HIPK3: variants seen among roughly 807,000 people sequenced by gnomAD.
The protein encoded by HIPK3 is homeodomain-interacting protein kinase 3.
HIPK3 carries 47 observed loss-of-function variants against 124.2 expected under a neutral mutation model. The ratio of observed to expected loss-of-function variants is 0.38; its 90% confidence interval spans 0.30 to 0.48. HIPK3 has a LOEUF of 0.48. Among genes scored for constraint, HIPK3 ranks in the 20% least tolerant of loss-of-function variants. The pLI is 0.98. For missense variants in HIPK3, 1,286 were observed against 1,454.3 expected (o/e 0.88, Z 1.88); for synonymous variants, 482 against 515.2 (o/e 0.94, Z 0.87).
chr11:33,269,546 T>TG (rs1851065298), intron 1 of HIPK3, among the ~76,000 whole-genome samples: 1 of 151,806 alleles, frequency 6.6e-6, no homozygotes, highest in Non-Finnish European at 1.5e-5. Context: ...CCTTCAGCTT[T>TG]TTAACATGCC....
In HIPK3 at chr11:33,347,924, A is replaced by T. The variant is rs1853546608; in HGVS notation, c.2217A>T (p.Leu739Phe). Reference sequence around the variant, plus strand: ...CTCTTCTGACCAATCAGATAACTTTATCTGCCCCTCAGCCAGTTAGTGTGG... The same window carrying T: ...CTCTTCTGACCAATCAGATAACTTTTTCTGCCCCTCAGCCAGTTAGTGTGG... ...PQPLLTNQIT[L>F]SAPQPVSVGI... Residue 739 changes from leucine (L) to phenylalanine (F), a missense_variant, in exon 11 of 17, where the codon TTA becomes TTT. By Grantham distance (22) the Leu-to-Phe change is conservative. This residue lies in a region of HIPK3 where 810 missense variants were observed against 864.9 expected (regional missense o/e 0.94). Transcript: ENST00000303296. The T allele has an allele frequency of 3.1e-6, 5 of 1,614,010 alleles. No individual in the cohort carries two copies. In the African/African-American group the frequency reaches 4.0e-5, roughly 13 times the overall value.
intron 1 of HIPK3, among the ~76,000 whole-genome samples, chr11:33,283,810 G>A (rs944765694): frequency 6.6e-6 from 1 of 151,946 alleles, no homozygotes; most frequent in Non-Finnish European, 1.5e-5. Flanking sequence ...CAGTGGCTAG[G>A]ATTATAGGTG....
At chr11:33,271,795 A>T (rs1472672327) in intron 1 of HIPK3, among the ~76,000 whole-genome samples, 2 of 152,188 alleles carry the variant, frequency 1.3e-5, no homozygotes. Context: ...TTGATGGTGT[A>T]TTTAAAAAAA....
chr11:33,275,664 G>A (rs559297489), intron 1 of HIPK3, among the ~76,000 whole-genome samples: 1 of 152,100 alleles, frequency 6.6e-6, no homozygotes, highest in African/African-American at 2.4e-5. Flanking sequence ...CTGGCACTAT[G>A]GTTCTGTCCT....
chr11:33,315,757 A>G (rs1409425981), intron 2 of HIPK3, among the ~76,000 whole-genome samples: 1 of 152,212 alleles, frequency 6.6e-6, no homozygotes, highest in Admixed American at 6.5e-5. Flanking sequence ...GCTGTGAACT[A>G]TATTTGTGGC....
intron 1 of HIPK3, among the ~76,000 whole-genome samples, chr11:33,278,815 G>C (rs911814907): frequency 5.3e-5 from 8 of 151,904 alleles, no homozygotes; most frequent in African/African-American, 1.9e-4. Context: ...CTGCACTCCA[G>C]CCTGGGCGAC....
In HIPK3 at chr11:33,305,472, T is replaced by G. The variant is rs539999587; in HGVS notation, c.1097+17961T>G. ...ACTGACTGCTTAGGTTCAGCCGCTG[T>G]GCTAGAAACTTTGCATAATTACCCT... On this transcript the variant is annotated intron_variant, in intron 2 of 16. Coordinates refer to ENST00000303296, the MANE Select transcript of HIPK3 (RefSeq NM_005734.5). Among the ~76,000 whole-genome samples the G allele has an allele frequency of 5.9e-5, 9 of 152,356 alleles. No homozygotes were observed. In the South Asian group the frequency reaches 1.7e-3, roughly 28 times the overall value.
intron 2 of HIPK3, among the ~76,000 whole-genome samples, chr11:33,304,759 C>T (rs975506302): frequency 6.6e-6 from 1 of 152,168 alleles, no homozygotes; most frequent in African/African-American, 2.4e-5. Flanking sequence ...TCTTCTGTGT[C>T]TATGGATACT....
At chr11:33,298,406 T>C (rs1159216413) in intron 2 of HIPK3, among the ~76,000 whole-genome samples, 2 of 152,352 alleles carry the variant, frequency 1.3e-5, no homozygotes, top group East Asian at 3.9e-4. Context: ...GGGAGAATAA[T>C]ATTGTTTTCA....
intron 1 of HIPK3, among the ~76,000 whole-genome samples, chr11:33,267,742 C>T (rs937232611): frequency 3.9e-5 from 6 of 152,004 alleles, no homozygotes; most frequent in African/African-American, 1.2e-4. Flanking sequence ...GTGATCCGCC[C>T]GCCTCGGCCT....
At chr11:33,311,574 CT>C (rs551099385) in intron 2 of HIPK3, among the ~76,000 whole-genome samples, 1,677 of 152,214 alleles carry the variant, frequency 0.011, 27 homozygotes, top group African/African-American at 0.038. Context: ...TGTATACCCC[CT>C]GCCTCTGTAC....
intron 3 of HIPK3, among the ~76,000 whole-genome samples, chr11:33,329,212 C>T (rs557399040): frequency 1.3e-5 from 2 of 152,146 alleles, no homozygotes; most frequent in Non-Finnish European, 2.9e-5. Context: ...TACTATTAAA[C>T]AGTGTTGTGT....
intron 1 of HIPK3, among the ~76,000 whole-genome samples, chr11:33,285,813 A>G (rs1158724461): frequency 6.6e-6 from 1 of 151,896 alleles, no homozygotes; most frequent in Admixed American, 6.6e-5. Flanking sequence ...GCTCTGTCTC[A>G]CAGGCTGAAG....
chr11:33,311,165 G>C (rs1004328872), intron 2 of HIPK3, among the ~76,000 whole-genome samples: 20 of 152,202 alleles, frequency 1.3e-4, no homozygotes, highest in African/African-American at 4.6e-4. Context: ...GTTCTCTGAT[G>C]ACTTTGCGCA....
rs967344183 is a variant in HIPK3 at position 33,288,004 on chromosome 11, G to A, written c.1097+493G>A. Among the ~76,000 whole-genome samples the A allele has an allele frequency of 3.3e-5, 5 of 152,210 alleles. No homozygotes were observed. The East Asian group carries it at 7.7e-4, about 24-fold the overall frequency. On this transcript the variant is annotated intron_variant, in intron 2 of 16. Coordinates refer to ENST00000303296, the MANE Select transcript of HIPK3 (RefSeq NM_005734.5). ...GGATTCCAGATTTTTCCGGATTTTGGAATATTTGCACTGCCAACTAGTTAA... is the reference window on the plus strand; with the variant it reads ...GGATTCCAGATTTTTCCGGATTTTGAAATATTTGCACTGCCAACTAGTTAA...
At chr11:33,318,398 A>G (rs1365938338) in intron 2 of HIPK3, among the ~76,000 whole-genome samples, 3 of 152,064 alleles carry the variant, frequency 2.0e-5, no homozygotes, top group Non-Finnish European at 4.4e-5. Flanking sequence ...TAGGGATCAT[A>G]GGAATTATTT....
intron 7 of HIPK3, 129 bp from the exon 8 acceptor site, chr11:33,341,434 T>G: frequency 9.8e-7 from 1 of 1,021,578 alleles, no homozygotes; most frequent in Non-Finnish European, 1.4e-6. Context: ...GCAGCTTGTT[T>G]TTGTTCTCAT....
chr11:33,310,665 A>C (rs143339272), intron 2 of HIPK3, among the ~76,000 whole-genome samples: 1 of 152,334 alleles, frequency 6.6e-6, no homozygotes, highest in East Asian at 1.9e-4. Context: ...TTCCTCAGTT[A>C]CATTAGCCAC....
chr11:33,309,717 C>T (rs1852266632), intron 2 of HIPK3, among the ~76,000 whole-genome samples: 2 of 152,198 alleles, frequency 1.3e-5, no homozygotes, highest in Admixed American at 1.3e-4. Flanking sequence ...CCCATCTTTC[C>T]CTCTATCCAT....
Sources: gnomAD v4.1 joint callset for allele counts (sites outside exome capture counted in the v4.1 genomes callset) on GRCh38, gnomAD v4.1.1 for gene constraint, gnomAD v4.1.1 regional missense constraint, MANE v1.5 for transcripts, NCBI Gene and HGNC (gene_info 2026-07-23, HGNC 2026-07-21) for gene names.